The following TTC3 variants were observed in gnomAD, a reference collection of about 807,000 sequenced individuals.
The protein encoded by TTC3 is tetratricopeptide repeat domain 3.
TTC3 carries 180 observed loss-of-function variants against 249.6 expected under a neutral mutation model. That is an observed-to-expected ratio of 0.72 (90% CI 0.64 to 0.82). TTC3 has a LOEUF of 0.82. Ranked by LOEUF, TTC3 falls within the 40% of genes least tolerant of loss-of-function variation. The pLI is 0.00. For missense variants in TTC3, 2,061 were observed against 2,398.4 expected (o/e 0.86, Z 2.94); for synonymous variants, 717 against 805.0 (o/e 0.89, Z 1.85).
intron 6 of TTC3, 55 bp from the exon 7 acceptor site, chr21:37,091,238 T>A: frequency 6.4e-7 from 1 of 1,564,494 alleles, no homozygotes; most frequent in Non-Finnish European, 8.7e-7. Context: ...TAATGCCACA[T>A]GCAAATTTAG....
chr21:37,111,283 G>C (rs139321610), intron 11 of TTC3, among the ~76,000 whole-genome samples: 1,792 of 152,206 alleles, frequency 0.012, 31 homozygotes, highest in African/African-American at 0.042. Context: ...AGTCAAGACC[G>C]ATCAGTGTGC....
At chr21:37,091,441 T>C in intron 7 of TTC3, 28 bp downstream of exon 7, 2 of 1,576,514 alleles carry the variant, frequency 1.3e-6, no homozygotes, top group Non-Finnish European at 1.7e-6. Flanking sequence ...AAATTGTTAC[T>C]TGACTCAGTT....
intron 10 of TTC3, among the ~76,000 whole-genome samples, chr21:37,097,247 A>T (rs1361092108): frequency 6.6e-6 from 1 of 152,296 alleles, no homozygotes; most frequent in African/African-American, 2.4e-5. Flanking sequence ...ATTGAGAAAG[A>T]TACTGCACCA....
At chr21:37,108,524 G>T (rs1345600037) in intron 11 of TTC3, 78 bp downstream of exon 11, 2 of 1,377,958 alleles carry the variant, frequency 1.5e-6, no homozygotes, top group Non-Finnish European at 2.0e-6. Context: ...GGGTGTGTTT[G>T]TTCATAAAAA....
At chr21:37,142,625 T>C (rs1397931561) in intron 20 of TTC3, among the ~76,000 whole-genome samples, 5 of 152,242 alleles carry the variant, frequency 3.3e-5, no homozygotes, top group African/African-American at 1.2e-4. Context: ...GAACATTCCA[T>C]GCTCATGGAT....
At chr21:37,087,086 A>C in intron 1 of TTC3, 161 bp from the exon 2 acceptor site, 1 of 713,856 alleles carries the variant, frequency 1.4e-6, no homozygotes, top group Non-Finnish European at 2.3e-6. Context: ...AAGTCAGCAG[A>C]ATGGGGACGA....
chr21:37,095,893 GC>G (rs2073891840), intron 9 of TTC3, among the ~76,000 whole-genome samples: 1 of 152,180 alleles, frequency 6.6e-6, no homozygotes, highest in Non-Finnish European at 1.5e-5. Flanking sequence ...TCTTCTCTTT[GC>G]TCAGCTGCTA....
intron 10 of TTC3, chr21:37,097,764 G>T: frequency 2.0e-6 from 1 of 512,218 alleles, no homozygotes; most frequent in Non-Finnish European, 3.5e-6. Flanking sequence ...TACTTTTTTT[G>T]TGAAGTTTTC....
chr21:37,084,957 C>T (rs1431728476), intron 1 of TTC3, among the ~76,000 whole-genome samples: 1 of 152,130 alleles, frequency 6.6e-6, no homozygotes, highest in Admixed American at 6.5e-5. Context: ...CGTGCCAGTG[C>T]ACTCCAGCCT....
intron 35 of TTC3, among the ~76,000 whole-genome samples, chr21:37,175,309 C>T (rs1569145978): frequency 2.0e-5 from 3 of 148,190 alleles, no homozygotes; most frequent in East Asian, 2.0e-4. Flanking sequence ...ATATACAGGC[C>T]GGGCACGGTG....
intron 18 of TTC3, among the ~76,000 whole-genome samples, chr21:37,136,534 C>G (rs1436839621): frequency 1.3e-5 from 2 of 152,216 alleles, no homozygotes; most frequent in Non-Finnish European, 1.5e-5. Flanking sequence ...GAGCAAGACT[C>G]TAACTCTTCT....
At chr21:37,157,163 AT>A in intron 28 of TTC3, 3 of 1,394,570 alleles carry the variant, frequency 2.2e-6, no homozygotes, top group Non-Finnish European at 2.9e-6. Flanking sequence ...CGTCTTAGAT[AT>A]TTTCACAGCA....
At position 37,122,411 on chromosome 21, in the gene TTC3, A is replaced by ATATATATAATATATATATATATATAT. The variant is rs2076658207; in HGVS notation, c.1063+441_1063+466dup. Among the ~76,000 whole-genome samples the ATATATATAATATATATATATATATAT allele has an allele frequency of 9.5e-5, 8 of 84,122 alleles. No individual in the cohort carries two copies. In the Admixed American group the frequency reaches 1.0e-3, roughly 11 times the overall value. The allele number at this position is 84,122 out of a possible 152,430, so 55.2% of individuals were successfully genotyped here. On this transcript the variant is annotated intron_variant, in intron 12 of 45. Transcript: ENST00000355666. Reference sequence around the variant, plus strand: ...TAATTCTGCAGCGTGCTGAATATATATATATATAATATATATATATATATA... The same window carrying ATATATATAATATATATATATATATAT: ...TAATTCTGCAGCGTGCTGAATATATATATATATAATATATATATATATATATTATATATAATATATATATATATATA...
At chr21:37,073,358 G>A in exon 1 of TTC3, 1 of 943,736 alleles carries the variant, frequency 1.1e-6, no homozygotes, top group Non-Finnish European at 1.3e-6. Context: ...GCGGGCGGCG[G>A]GCCCGGGTGA....
intron 6 of TTC3, among the ~76,000 whole-genome samples, chr21:37,090,892 A>G (rs1265648980): frequency 6.6e-6 from 1 of 152,092 alleles, no homozygotes; most frequent in Non-Finnish European, 1.5e-5. Flanking sequence ...GAGAACTTTA[A>G]TCTATAAATT....
chr21:37,104,591 A>C (rs2074882481), intron 10 of TTC3, among the ~76,000 whole-genome samples: 1 of 56,364 alleles, frequency 1.8e-5, no homozygotes, highest in African/African-American at 4.5e-5. Flanking sequence ...TCCGTCTCAA[A>C]AAAAAAAAAA....
intron 11 of TTC3, among the ~76,000 whole-genome samples, chr21:37,120,825 G>T (rs1162215643): frequency 2.0e-5 from 3 of 152,144 alleles, no homozygotes; most frequent in African/African-American, 7.2e-5. Flanking sequence ...AGCGTTGTTT[G>T]TTTTTTATAA....
At chr21:37,148,078 TG>T in intron 22 of TTC3, among the ~76,000 whole-genome samples, 1 of 152,252 alleles carries the variant, frequency 6.6e-6, no homozygotes, top group South Asian at 2.1e-4. Context: ...GAGCCACTGA[TG>T]TATAAACGCT....
chr21:37,138,586 T>G, intron 18 of TTC3, 48 bp from the exon 19 acceptor site: 1 of 1,335,894 alleles, frequency 7.5e-7, no homozygotes, highest in Non-Finnish European at 1.1e-6. Flanking sequence ...GGATGCAAAT[T>G]GGGCAGAATT....
Sources: gnomAD v4.1 joint callset for allele counts (sites outside exome capture counted in the v4.1 genomes callset) on GRCh38, gnomAD v4.1.1 for gene constraint, MANE v1.5 for transcripts, NCBI Gene and HGNC (gene_info 2026-07-23, HGNC 2026-07-21) for gene names.